Variants in DCC observed in about 807,000 individuals in gnomAD.
The protein encoded by DCC is netrin receptor DCC.
In DCC, 58 loss-of-function variants were observed where a neutral mutation model predicts 172.5. The observed-to-expected ratio is 0.34, with a 90% CI of 0.27 to 0.42. DCC has a LOEUF of 0.42. Among genes scored for constraint, DCC ranks in the 10% least tolerant of loss-of-function variants. The probability of loss-of-function intolerance (pLI) is 1.00; values close to 1 mark genes in which losing one functional copy is unlikely to be tolerated. For missense variants in DCC, 1,740 were observed against 1,791.0 expected (o/e 0.97, Z 0.51); for synonymous variants, 709 against 644.5 (o/e 1.10, Z -1.52).
chr18:52,999,200 A>T (rs200559683), intron 5 of DCC, among the ~76,000 whole-genome samples: 118 of 150,028 alleles, frequency 7.9e-4, no homozygotes, highest in African/African-American at 2.8e-3. Context: ...GGGCAACAAC[A>T]TTTTTTTTTT....
chr18:53,316,168 A>G (rs2057341541), intron 13 of DCC, among the ~76,000 whole-genome samples: 1 of 152,206 alleles, frequency 6.6e-6, no homozygotes. Context: ...AGTTTTTTGC[A>G]TATGGCTAGC....
At position 53,064,766 on chromosome 18, in the gene DCC, TA is replaced by T. The variant is rs144114836; in HGVS notation, c.1141-1279del. 6.6e-4 allele frequency among the ~76,000 whole-genome samples: 100 copies of T among 152,286 alleles called. No homozygotes were observed. The East Asian group carries it at 0.018, about 27-fold the overall frequency. ...ACTTTTAAATGCCACAGTGATCCAT[TA>T]TTTCCTTTAAAGGCGATGTTATTTC... On this transcript the variant is annotated intron_variant, in intron 6 of 28. Coordinates refer to ENST00000442544, the MANE Select transcript of DCC (RefSeq NM_005215.4).
intron 27 of DCC, among the ~76,000 whole-genome samples, chr18:53,521,664 A>G (rs1401301274): frequency 6.6e-6 from 1 of 152,158 alleles, no homozygotes; most frequent in Non-Finnish European, 1.5e-5. Context: ...TTTATTGTAG[A>G]TACCTATGTT....
chr18:53,098,141 T>C (rs1361025897), intron 7 of DCC, among the ~76,000 whole-genome samples: 2 of 152,184 alleles, frequency 1.3e-5, no homozygotes, highest in South Asian at 2.1e-4. Flanking sequence ...TTTTGACTTA[T>C]ATCATCTCAA....
At chr18:52,790,629 G>C (rs1346600544) in intron 2 of DCC, among the ~76,000 whole-genome samples, 1 of 152,166 alleles carries the variant, frequency 6.6e-6, no homozygotes, top group Admixed American at 6.5e-5. Flanking sequence ...CCATACAAAA[G>C]TCTGGGATAT....
chr18:52,343,253 C>A (rs1182387400), intron 1 of DCC, among the ~76,000 whole-genome samples: 5 of 152,156 alleles, frequency 3.3e-5, no homozygotes, highest in African/African-American at 1.2e-4. Context: ...AGGAAACTTA[C>A]AACGAGAAAG....
At chr18:53,343,188 G>A (rs2057682579) in intron 15 of DCC, among the ~76,000 whole-genome samples, 3 of 151,682 alleles carry the variant, frequency 2.0e-5, no homozygotes, top group South Asian at 2.1e-4. Context: ...TCAGTGATTA[G>A]GATCTGTAGT....
In DCC at chr18:52,340,749, C is replaced by T. The variant is rs1461706402; in HGVS notation, c.-39C>T. 2.0e-6 allele frequency: 3 copies of T among 1,512,612 alleles called. No individual in the cohort carries two copies. Among genetic ancestry groups the T allele is most frequent in the Non-Finnish European group, 2.8e-6 (3 of 1,088,120 alleles). The allele number at this position is 1,512,612 out of a possible 1,614,324, so 93.7% of individuals were successfully genotyped here. ...GAGTGCATGTGTGTGAGTGCTGCCG[C>T]TGCCCGCGACCCCTGGCCCCGAAGG... On this transcript the variant is annotated 5_prime_UTR_variant, in exon 1 of 29. Coordinates refer to ENST00000442544, the MANE Select transcript of DCC (RefSeq NM_005215.4).
chr18:53,136,941 G>T (rs923101158), intron 7 of DCC, among the ~76,000 whole-genome samples: 118 of 152,228 alleles, frequency 7.8e-4, no homozygotes, highest in African/African-American at 2.7e-3. Context: ...TTATATCCAT[G>T]ATATATATTG....
chr18:53,423,336 C>T (rs988180986), intron 21 of DCC, among the ~76,000 whole-genome samples: 3 of 152,068 alleles, frequency 2.0e-5, no homozygotes, highest in Non-Finnish European at 2.9e-5. Context: ...TAGATTCTGC[C>T]GCTTCAATTT....
intron 22 of DCC, among the ~76,000 whole-genome samples, chr18:53,439,769 C>CTTTTTTTTT (rs1292726340): frequency 0.27 from 34,075 of 125,304 alleles, 7,256 homozygotes; most frequent in Non-Finnish European, 0.42. Flanking sequence ...TAGTATTTTT[C>CTTTTTTTTT]TTTTTTTTTT....
intron 1 of DCC, among the ~76,000 whole-genome samples, chr18:52,595,216 T>G (rs2144805650): frequency 1.3e-5 from 2 of 152,256 alleles, no homozygotes; most frequent in East Asian, 3.9e-4. Context: ...GACTAACAAG[T>G]CTTTGCTAAA....
Position 53,487,442 on chromosome 18 carries a change from T to C in DCC, c.3898+484T>C, listed in dbSNP as rs530248352. On this transcript the variant is annotated intron_variant, in intron 26 of 28. Transcript: ENST00000442544. ...GAAAAAAAGGATTTCCAGGGTATTA[T>C]TTCATTTCTTTGAAGGAAGGTAGGA... Among the ~76,000 whole-genome samples, 4 of 152,206 alleles carry C rather than the reference T, an allele frequency of 2.6e-5. No individual in the cohort carries two copies. The South Asian group carries it at 6.2e-4, about 24-fold the overall frequency.
chr18:52,849,115 G>A (rs143506262), intron 2 of DCC, among the ~76,000 whole-genome samples: 9 of 151,736 alleles, frequency 5.9e-5, no homozygotes, highest in African/African-American at 9.7e-5. Context: ...GTGTGTGTTC[G>A]TTCTAGGAGG....
Position 53,448,065 on chromosome 18 carries a change from T to G in DCC, c.3230-2435T>G, listed in dbSNP as rs923222460. On this transcript the variant is annotated intron_variant, in intron 22 of 28. Transcript: ENST00000442544. ...TTGATGAGTTTTTTTTTTTTTTTTT[T>G]TTTTTACAAAAGCAATGATTCTTAG... Among the ~76,000 whole-genome samples, 58 of 151,346 alleles carry G rather than the reference T, an allele frequency of 3.8e-4. 1 individual carries two copies. The highest frequency in any genetic ancestry group is 1.4e-3 in the African/African-American group (57 of 41,380).
chr18:52,549,520 GTCC>G (rs2032705646), intron 1 of DCC, among the ~76,000 whole-genome samples: 1 of 152,000 alleles, frequency 6.6e-6, no homozygotes. Context: ...CTAATGACTT[GTCC>G]TCCACACGGT....
At chr18:53,397,043 A>G (rs571771505) in intron 17 of DCC, among the ~76,000 whole-genome samples, 2 of 151,710 alleles carry the variant, frequency 1.3e-5, no homozygotes, top group African/African-American at 4.8e-5. Flanking sequence ...ACCTTTCAAC[A>G]TATCTTACCT....
chr18:53,000,954 G>A (rs757125186), intron 5 of DCC, among the ~76,000 whole-genome samples: 5 of 151,332 alleles, frequency 3.3e-5, no homozygotes, highest in African/African-American at 9.7e-5. Context: ...TTTTCCCATC[G>A]ACTGCATCTG....
At chr18:53,114,367 C>T (rs1488157852) in intron 7 of DCC, among the ~76,000 whole-genome samples, 3 of 151,372 alleles carry the variant, frequency 2.0e-5, no homozygotes, top group Admixed American at 2.0e-4. Flanking sequence ...TGACAGCCTG[C>T]CAAGTGCATA....
Sources: gnomAD v4.1 joint callset for allele counts (sites outside exome capture counted in the v4.1 genomes callset) on GRCh38, gnomAD v4.1.1 for gene constraint, MANE v1.5 for transcripts, NCBI Gene and HGNC (gene_info 2026-07-23, HGNC 2026-07-21) for gene names.